The following FAM167A variants were observed in gnomAD, a reference collection of about 807,000 sequenced individuals.
The protein encoded by FAM167A is protein FAM167A.
Under a neutral mutation model 14.9 loss-of-function variants are expected in FAM167A, and 23 were observed. The ratio of observed to expected loss-of-function variants is 1.55; its 90% CI spans 1.11 to 2.19. FAM167A has a LOEUF of 2.19. FAM167A is among the 30% of genes most tolerant of loss of function. FAM167A has a pLI of 0.00. For missense variants in FAM167A, 401 were observed against 281.5 expected (o/e 1.42, Z -3.04); for synonymous variants, 174 against 117.7 (o/e 1.48, Z -3.10).
intron 1 of FAM167A, among the ~76,000 whole-genome samples, chr8:11,455,385 G>A (rs367703269): frequency 1.0e-4 from 13 of 129,134 alleles, no homozygotes; most frequent in East Asian, 5.2e-4. Flanking sequence ...GTTGCCTTGC[G>A]TGAGTGTGAT....
At chr8:11,457,223 A>T (rs1308628299) in intron 1 of FAM167A, among the ~76,000 whole-genome samples, 1 of 151,888 alleles carries the variant, frequency 6.6e-6, no homozygotes. Context: ...CTGCCGGGTA[A>T]GCATTCCCTC....
At chr8:11,459,527 A>G (rs1448706341) in intron 1 of FAM167A, among the ~76,000 whole-genome samples, 1 of 152,242 alleles carries the variant, frequency 6.6e-6, no homozygotes, top group Non-Finnish European at 1.5e-5. Context: ...TGCAGTGCCA[A>G]GCACGTGGGT....
At chr8:11,448,706 C>T (rs1806894855) in intron 1 of FAM167A, among the ~76,000 whole-genome samples, 1 of 152,234 alleles carries the variant, frequency 6.6e-6, no homozygotes, top group South Asian at 2.1e-4. Context: ...CATTCCATGC[C>T]TGCTCCCTTC....
intron 1 of FAM167A, among the ~76,000 whole-genome samples, chr8:11,465,818 G>C (rs541050594): frequency 6.6e-6 from 1 of 152,304 alleles, no homozygotes; most frequent in South Asian, 2.1e-4. Context: ...GGAGTTTGTG[G>C]AAACTTGACT....
chr8:11,443,806 T>G, intron 2 of FAM167A: 2 of 558,848 alleles, frequency 3.6e-6, no homozygotes, highest in East Asian at 3.2e-5. Flanking sequence ...GCTTCCTTCA[T>G]TAGTGTCTGC....
intron 1 of FAM167A, among the ~76,000 whole-genome samples, chr8:11,456,013 G>C (rs1203686739): frequency 2.3e-5 from 3 of 130,518 alleles, no homozygotes; most frequent in African/African-American, 8.7e-5. Context: ...GGGAGTGTAG[G>C]GTGGTTGCCC....
In FAM167A at chr8:11,451,523, A is replaced by T. The variant is rs560813551; in HGVS notation, c.-397-6715T>A. Among the ~76,000 whole-genome samples, 30 of 152,234 alleles carry T rather than the reference A, an allele frequency of 2.0e-4. 1 individual carries two copies. Among genetic ancestry groups the T allele is most frequent in the Admixed American group, 1.8e-3 (27 of 15,296 alleles). ...TGTGTGTCTGTTTGCCATATCCAAC[A>T]CCCTCTCCTTTCCTGTGTGGAGGGA... On this transcript the variant is annotated intron_variant, in intron 1 of 2. Coordinates refer to ENST00000284486, the MANE Select transcript of FAM167A (RefSeq NM_053279.3).
chr8:11,466,923 G>T (rs1807799079), upstream of FAM167A, among the ~76,000 whole-genome samples: 2 of 152,218 alleles, frequency 1.3e-5, no homozygotes, highest in East Asian at 1.9e-4. Flanking sequence ...CGGTTCACCG[G>T]CCCGGGCAGC....
chr8:11,465,854 G>A (rs1807742792), intron 1 of FAM167A, among the ~76,000 whole-genome samples: 2 of 152,200 alleles, frequency 1.3e-5, no homozygotes, highest in South Asian at 2.1e-4. Context: ...GCAGGCATAC[G>A]GCAGTGGCCA....
chr8:11,466,637 CCAGGGG>C lies in FAM167A; in HGVS notation c.-415_-410del, dbSNP rs1294749960. 3 of 152,490 alleles carry C rather than the reference CCAGGGG, an allele frequency of 2.0e-5. No individual in the cohort carries two copies. The highest frequency in any genetic ancestry group is 7.2e-5 in the African/African-American group (3 of 41,468). 9.4% of individuals were successfully genotyped at this position (152,490 alleles called of 1,614,324 possible). On this transcript the variant is annotated 5_prime_UTR_variant, in exon 1 of 3. Coordinates refer to ENST00000284486, the MANE Select transcript of FAM167A (RefSeq NM_053279.3). ...CGGCGCGAACCCACCTTCCGGGAGCCCAGGGGCCCTGCTGGGGACTCGCCGGTGTCC... is the reference window on the plus strand; with the variant it reads ...CGGCGCGAACCCACCTTCCGGGAGCCCCCTGCTGGGGACTCGCCGGTGTCC...
At position 11,442,720 on chromosome 8, in the gene FAM167A, T is replaced by C. The variant is rs115092855; in HGVS notation, c.381+1311A>G. ...CCCCCACCAAGAGCACCAGGGGTGA[T>C]AGAGCACCCCAGAGATATGGCTCAA... On this transcript the variant is annotated intron_variant, in intron 2 of 2. Coordinates refer to ENST00000284486, the MANE Select transcript of FAM167A (RefSeq NM_053279.3). 4.0e-3 allele frequency among the ~76,000 whole-genome samples: 609 copies of C among 151,780 alleles called. 5 individuals are homozygous for C. The highest frequency in any genetic ancestry group is 0.014 in the African/African-American group (575 of 41,388).
At chr8:11,466,041 G>C (rs1180235043) in intron 1 of FAM167A, among the ~76,000 whole-genome samples, 1 of 152,102 alleles carries the variant, frequency 6.6e-6, no homozygotes, top group African/African-American at 2.4e-5. Context: ...CTGTGCTCCG[G>C]TGTCTCGGTG....
intron 1 of FAM167A, among the ~76,000 whole-genome samples, chr8:11,452,417 G>T (rs1040745683): frequency 2.6e-5 from 4 of 152,246 alleles, no homozygotes; most frequent in African/African-American, 9.6e-5. Flanking sequence ...GAAGTCTGGT[G>T]AGCTGTGCTC....
At position 11,422,052 on chromosome 8, in the gene FAM167A, G is replaced by T. The variant is rs939853940; in HGVS notation, c.*2321C>A. ...TAATAAAGTTCTCTTAGGATAAACC[G>T]AGCAAAATAGCTCAGACATTTAACT... is the stretch of plus-strand genomic sequence containing the variant. On this transcript the variant is annotated 3_prime_UTR_variant, in exon 3 of 3. Coordinates refer to ENST00000284486, the MANE Select transcript of FAM167A (RefSeq NM_053279.3). 2.9e-5 allele frequency: 11 copies of T among 381,970 alleles called. No homozygotes were observed. Among genetic ancestry groups the T allele is most frequent in the Non-Finnish European group, 4.6e-5 (10 of 216,264 alleles). The allele number at this position is 381,970 out of a possible 1,614,324, so 23.7% of individuals were successfully genotyped here.
intron 2 of FAM167A, among the ~76,000 whole-genome samples, chr8:11,432,214 T>TA (rs761856971): frequency 2.0e-5 from 3 of 152,176 alleles, no homozygotes; most frequent in Non-Finnish European, 4.4e-5. Context: ...TCTATGGGTC[T>TA]AAAACGGCCC....
Position 11,436,903 on chromosome 8 carries a change from G to A in FAM167A, c.381+7128C>T, listed in dbSNP as rs117478316. Among the ~76,000 whole-genome samples the A allele has an allele frequency of 9.2e-3, 1,404 of 152,336 alleles. 6 individuals are homozygous for A. The highest frequency in any genetic ancestry group is 0.015 in the Non-Finnish European group (1,013 of 68,036). ...GGAGGGAGAGCTGAGGACAGGACAT[G>A]AGCTGCTGGAGTGGGGACCTGTGGG... is the stretch of plus-strand genomic sequence containing the variant. On this transcript the variant is annotated intron_variant, in intron 2 of 2. Coordinates refer to ENST00000284486, the MANE Select transcript of FAM167A (RefSeq NM_053279.3).
At position 11,445,314 on chromosome 8, in the gene FAM167A, C is replaced by T. The variant is rs920622551; in HGVS notation, c.-397-506G>A. On this transcript the variant is annotated intron_variant, in intron 1 of 2. Transcript: ENST00000284486. ...GTCTGCTCCGTCCAGGTGCCACTGC[C>T]CCCTCACCACCTCCACCCACCACAG... is the stretch of plus-strand genomic sequence containing the variant. 7.1e-6 allele frequency: 7 copies of T among 985,892 alleles called. No individual in the cohort carries two copies. In the African/African-American group the frequency reaches 8.7e-5, roughly 12 times the overall value. The allele number at this position is 985,892 out of a possible 1,614,324, so 61.1% of individuals were successfully genotyped here.
At chr8:11,443,198 G>C (rs948845884) in intron 2 of FAM167A, among the ~76,000 whole-genome samples, 1 of 152,302 alleles carries the variant, frequency 6.6e-6, no homozygotes, top group Non-Finnish European at 1.5e-5. Flanking sequence ...AGAGGCTGTC[G>C]TGCCAGACAC....
chr8:11,429,619 T>C (rs1805435747), intron 2 of FAM167A, among the ~76,000 whole-genome samples: 1 of 152,240 alleles, frequency 6.6e-6, no homozygotes, highest in African/African-American at 2.4e-5. Flanking sequence ...GAACGGCTCA[T>C]GGCCAGCCAG....
Sources: allele counts gnomAD v4.1 joint callset (sites outside exome capture counted in the v4.1 genomes callset), GRCh38; gene constraint gnomAD v4.1.1; transcripts MANE v1.5; gene names NCBI Gene and HGNC (gene_info 2026-07-23, HGNC 2026-07-21).